ADRA1D: variants seen among roughly 807,000 people sequenced by gnomAD.
ADRA1D encodes alpha-1D adrenergic receptor.
In ADRA1D, 22 loss-of-function variants were observed where a neutral mutation model predicts 18.6. That is an observed-to-expected ratio of 1.19 (90% CI 0.85 to 1.69). The LOEUF is 1.69. Among genes scored for constraint, ADRA1D ranks in the 40% most tolerant of loss-of-function variants. The probability of loss-of-function intolerance (pLI) is 0.00; values close to 1 mark genes in which losing one functional copy is unlikely to be tolerated. For missense variants in ADRA1D, 840 were observed against 840.7 expected (o/e 1.00, Z 0.01); for synonymous variants, 376 against 388.2 (o/e 0.97, Z 0.37).
At chr20:4,233,469 A>G (rs1285826852) in intron 1 of ADRA1D, among the ~76,000 whole-genome samples, 2 of 151,942 alleles carry the variant, frequency 1.3e-5, no homozygotes, top group Admixed American at 6.6e-5. Context: ...AGCCACTTGC[A>G]TGGTGGCTGC....
intron 1 of ADRA1D, among the ~76,000 whole-genome samples, chr20:4,237,124 C>T (rs370054226): frequency 1.3e-5 from 2 of 151,714 alleles, no homozygotes; most frequent in African/African-American, 2.4e-5. Context: ...GAGGGGTCTC[C>T]GAGGAAGGCT....
At chr20:4,229,533 T>C (rs1307488365) in intron 1 of ADRA1D, among the ~76,000 whole-genome samples, 2 of 152,108 alleles carry the variant, frequency 1.3e-5, no homozygotes, top group Admixed American at 6.5e-5. Context: ...AAGAGCTGAA[T>C]GAAGTGAGTG....
Position 4,221,650 on chromosome 20 carries a change from G to A in ADRA1D, c.1592C>T (p.Ala531Val), listed in dbSNP as rs953584487. The stretch of plus-strand genomic sequence containing the variant: ...CACCTCTGAGCGCTGGGCGCACGCT[G>A]CCTCTGCGCGCTGCGCGCCCCCGGC... ...IRAGGAQRAE[A>V]ACAQRSEVEA... The change falls in exon 2 of 2, where the codon GCA (alanine) becomes GTA (valine). Residue 531 changes from alanine to valine, a missense_variant. Coordinates refer to ENST00000379453, the MANE Select transcript of ADRA1D (RefSeq NM_000678.4). 5 of 1,612,614 alleles carry A rather than the reference G, an allele frequency of 3.1e-6. No individual in the cohort carries two copies. Among genetic ancestry groups the A allele is most frequent in the Admixed American group, 1.7e-5 (1 of 59,948 alleles).
Position 4,247,951 on chromosome 20 carries a change from C to T in ADRA1D, c.1007G>A (p.Arg336His), listed in dbSNP as rs780713146. The change falls in exon 1 of 2, where the codon CGC (arginine) becomes CAC (histidine). Residue 336 changes from arginine (R) to histidine (H), a missense_variant. Physicochemically the swap from Arg to His is conservative, Grantham distance 29. Transcript: ENST00000379453. The part of the protein sequence containing the change: ...GHTFRSSLSV[R>H]LLKFSREKKA... ...CTTCTCACGGGAGAACTTGAGCAGG[C>T]GCACGGAGAGCGAGCTGCGGAAGGT... 3.8e-6 allele frequency: 6 copies of T among 1,597,588 alleles called. No homozygotes were observed. Among genetic ancestry groups the T allele is most frequent in the South Asian group, 3.4e-5 (3 of 88,444 alleles).
At position 4,221,496 on chromosome 20, in the gene ADRA1D, A is replaced by G; in HGVS notation, c.*27T>C. ...GGTCCCCCTTACCCCCAAGCCCAGCACACTCCGCGGCCTAGCTCTGGGGTC... is the reference window on the plus strand; with the variant it reads ...GGTCCCCCTTACCCCCAAGCCCAGCGCACTCCGCGGCCTAGCTCTGGGGTC... On this transcript the variant is annotated 3_prime_UTR_variant, in exon 2 of 2. Transcript: ENST00000379453. 6.3e-7 allele frequency: 1 copy of G among 1,585,436 alleles called. No individual in the cohort carries two copies. The highest frequency in any genetic ancestry group is 2.3e-5 in the East Asian group (1 of 44,258).
chr20:4,238,352 A>G (rs1468860413), intron 1 of ADRA1D, among the ~76,000 whole-genome samples: 1 of 152,222 alleles, frequency 6.6e-6, no homozygotes, highest in Non-Finnish European at 1.5e-5. Flanking sequence ...CAAGTAGGTG[A>G]AAGGGAGGAA....
chr20:4,237,902 G>C (rs575544462), intron 1 of ADRA1D, among the ~76,000 whole-genome samples: 29 of 148,648 alleles, frequency 2.0e-4, no homozygotes, highest in African/African-American at 6.9e-4. Context: ...GGCTGGTCTC[G>C]AAATCCTGAC....
chr20:4,241,647 A>T (rs990796482), intron 1 of ADRA1D, among the ~76,000 whole-genome samples: 8 of 152,076 alleles, frequency 5.3e-5, no homozygotes, highest in Non-Finnish European at 1.2e-4. Context: ...GGGCCGGGAG[A>T]CAATGATGCC....
At position 4,248,999 on chromosome 20, in the gene ADRA1D, G is replaced by T. The variant is rs955885214; in HGVS notation, c.-42C>A. On this transcript the variant is annotated 5_prime_UTR_variant, in exon 1 of 2. An upstream open reading frame in the 5' UTR gains an earlier in-frame stop. Coordinates refer to ENST00000379453, the MANE Select transcript of ADRA1D (RefSeq NM_000678.4). ...CGGTGGCCGGGCCGGGGCACAGAAC[G>T]AGCGGCCGGCAGGGAGGGGAGCACA... 7.9e-6 allele frequency: 10 copies of T among 1,262,366 alleles called. No homozygotes were observed. The African/African-American group carries it at 1.6e-4, about 20-fold the overall frequency. The allele number at this position is 1,262,366 out of a possible 1,614,324, so 78.2% of individuals were successfully genotyped here.
In ADRA1D at chr20:4,222,063, G is replaced by T. The variant is rs750578377; in HGVS notation, c.1179C>A (p.Phe393Leu). ...VFKVIFWLGYFNSCVNPLIYP... is the reference protein window; with the variant it reads ...VFKVIFWLGYLNSCVNPLIYP... ...AGATGAGCGGGTTCACGCAGCTGTT[G>T]AAGTAGCCGAGCCAGAAGATGACCT... is the stretch of plus-strand genomic sequence containing the variant. The change falls in exon 2 of 2, where the codon TTC becomes TTA. Residue 393 changes from phenylalanine to leucine, a missense_variant. Coordinates refer to ENST00000379453, the MANE Select transcript of ADRA1D (RefSeq NM_000678.4). The surrounding 1 kb of genome is among the most constrained non-coding windows in gnomAD (Gnocchi z 4.3). The T allele has an allele frequency of 6.2e-7, 1 of 1,612,772 alleles. No homozygotes were observed. Among genetic ancestry groups the T allele is most frequent in the African/African-American group, 1.3e-5 (1 of 74,664 alleles).
intron 1 of ADRA1D, among the ~76,000 whole-genome samples, chr20:4,231,093 TTTTCTTTC>T (rs57640382): frequency 1.0e-3 from 112 of 111,954 alleles, no homozygotes; most frequent in African/African-American, 4.4e-3. Context: ...TTTTCTTTTC[TTTTCTTTC>T]TTTCTTTCTC....
In ADRA1D at chr20:4,248,164, A is replaced by G. The variant is rs752620059; in HGVS notation, c.794T>C (p.Leu265Pro). The change falls in exon 1 of 2, where the codon CTG (leucine) becomes CCG (proline). Residue 265 changes from leucine (L) to proline (P), a missense_variant. By Grantham distance (98) the Leu-to-Pro change is moderately conservative. Transcript: ENST00000379453. ...AVFSSVCSFYLPMAVIVVMYC... is the reference protein window; with the variant it reads ...AVFSSVCSFYPPMAVIVVMYC... ...CATGACCACGATGACCGCCATGGGC[A>G]GGTAGAAGGAGCACACGGAGGAGAA... 4 of 1,582,668 alleles carry G rather than the reference A, an allele frequency of 2.5e-6. No individual in the cohort carries two copies. The highest frequency in any genetic ancestry group is 1.7e-4 in the Middle Eastern group (1 of 6,058).
intron 1 of ADRA1D, among the ~76,000 whole-genome samples, chr20:4,224,547 AGGGGTGTT>A (rs1272223960): frequency 6.6e-6 from 1 of 152,058 alleles, no homozygotes. Flanking sequence ...GCAGGGGGCC[AGGGGTGTT>A]CCATCCTGGA....
intron 1 of ADRA1D, among the ~76,000 whole-genome samples, chr20:4,226,259 G>A (rs1391166695): frequency 2.0e-5 from 3 of 152,248 alleles, no homozygotes; most frequent in African/African-American, 7.2e-5. Context: ...ACACGAGAAG[G>A]AGCTGTAATA....
At chr20:4,231,106 T>A (rs1980958410) in intron 1 of ADRA1D, among the ~76,000 whole-genome samples, 1 of 117,700 alleles carries the variant, frequency 8.5e-6, no homozygotes. Flanking sequence ...TCTTTCTTTC[T>A]TTCTCTCTTT....
chr20:4,248,279 C>T lies in ADRA1D; in HGVS notation c.679G>A (p.Val227Met). ...LALLWVVALV[V>M]SVGPLLGWKE... ...CAGCCCAGCAGGGGCCCTACGGACACCACCAGGGCTACGACCCAGAGCAGG... is the reference window on the plus strand; with the variant it reads ...CAGCCCAGCAGGGGCCCTACGGACATCACCAGGGCTACGACCCAGAGCAGG... The change falls in exon 1 of 2, where the codon GTG becomes ATG. Residue 227 changes from valine to methionine, a missense_variant. Transcript: ENST00000379453. 1 of 1,608,618 alleles carries T rather than the reference C, an allele frequency of 6.2e-7. No homozygotes were observed. Among genetic ancestry groups the T allele is most frequent in the Non-Finnish European group, 8.5e-7 (1 of 1,177,816 alleles).
intron 1 of ADRA1D, among the ~76,000 whole-genome samples, chr20:4,231,055 TTTC>T (rs1445477664): frequency 4.3e-5 from 4 of 91,984 alleles, no homozygotes; most frequent in Non-Finnish European, 8.4e-5. Context: ...TCTTTCTTTC[TTTC>T]TTTCTTTCTC....
chr20:4,245,980 A>C (rs1027319873), intron 1 of ADRA1D, among the ~76,000 whole-genome samples: 5 of 152,218 alleles, frequency 3.3e-5, no homozygotes, highest in Non-Finnish European at 7.3e-5. Flanking sequence ...CAAAAGCTAC[A>C]GTTCCACGAT....
intron 1 of ADRA1D, among the ~76,000 whole-genome samples, chr20:4,236,339 TG>T (rs1981091805): frequency 6.6e-6 from 1 of 152,106 alleles, no homozygotes; most frequent in Non-Finnish European, 1.5e-5. Context: ...ACAGGATATA[TG>T]GGTTTGTGAT....
Sources: gnomAD v4.1 joint callset for allele counts (sites outside exome capture counted in the v4.1 genomes callset) on GRCh38, gnomAD v4.1.1 for gene constraint, Gnocchi (gnomAD v3.1) non-coding constraint, MANE v1.5 for transcripts, NCBI Gene and HGNC (gene_info 2026-07-23, HGNC 2026-07-21) for gene names.